ZMYND8: variants seen among roughly 807,000 people sequenced by gnomAD.
ZMYND8 encodes zinc finger MYND-type containing 8.
Under a neutral mutation model 140.8 loss-of-function variants are expected in ZMYND8, and 37 were observed. The observed-to-expected ratio is 0.26, with a 90% CI of 0.20 to 0.35. The LOEUF is 0.35. Among genes scored for constraint, ZMYND8 ranks in the 10% least tolerant of loss-of-function variants. ZMYND8 has a pLI of 1.00. For missense variants in ZMYND8, 1,068 were observed against 1,570.0 expected (o/e 0.68, Z 5.40); for synonymous variants, 592 against 597.1 (o/e 0.99, Z 0.12).
At chr20:47,255,012 C>T (rs756555853) in intron 12 of ZMYND8, among the ~76,000 whole-genome samples, 23 of 152,090 alleles carry the variant, frequency 1.5e-4, no homozygotes, top group African/African-American at 5.3e-4. Flanking sequence ...GACGTAGTGG[C>T]GCGCGCCTGT....
chr20:47,211,148 A>G (rs914177785), intron 22 of ZMYND8, among the ~76,000 whole-genome samples: 6 of 152,182 alleles, frequency 3.9e-5, no homozygotes, highest in Non-Finnish European at 8.8e-5. Flanking sequence ...GAGAATAAAG[A>G]TTTGTAGAAA....
chr20:47,262,146 C>A, intron 12 of ZMYND8, 142 bp downstream of exon 12: 2 of 1,164,140 alleles, frequency 1.7e-6, no homozygotes, highest in Non-Finnish European at 2.5e-6. Context: ...GATCTTTTCT[C>A]ACCTTCATCC....
intron 3 of ZMYND8, among the ~76,000 whole-genome samples, chr20:47,304,582 G>A (rs1006225340): frequency 1.3e-5 from 2 of 152,236 alleles, no homozygotes; most frequent in African/African-American, 2.4e-5. Flanking sequence ...ATGTGTGGAC[G>A]ATGAGGACCA....
chr20:47,214,670 C>T (rs935054238), intron 21 of ZMYND8, among the ~76,000 whole-genome samples: 2 of 152,006 alleles, frequency 1.3e-5, no homozygotes, highest in Non-Finnish European at 2.9e-5. Flanking sequence ...ATTTTTTGTA[C>T]TTTTAGTAGA....
At position 47,210,586 on chromosome 20, in the gene ZMYND8, C is replaced by T. The variant is rs545022340; in HGVS notation, c.*175G>A. 324 of 887,940 alleles carry T rather than the reference C, an allele frequency of 3.6e-4. No homozygotes were observed. Among genetic ancestry groups the T allele is most frequent in the Middle Eastern group, 2.6e-3 (9 of 3,480 alleles). The allele number at this position is 887,940 out of a possible 1,614,324, so 55.0% of individuals were successfully genotyped here. A position where few individuals can be genotyped will look rare whatever the true frequency, so the allele number is the denominator to read the frequency against. On this transcript the variant is annotated 3_prime_UTR_variant, in exon 23 of 23. Transcript: ENST00000471951. Reference sequence around the variant, plus strand: ...TGGGTGAACAGTCTGCAGTCAAAGCCGATGCTGGGTGTCCTGTAGTGTAGC... The same window carrying T: ...TGGGTGAACAGTCTGCAGTCAAAGCTGATGCTGGGTGTCCTGTAGTGTAGC...
chr20:47,222,538 CG>C (rs200236794), intron 19 of ZMYND8, among the ~76,000 whole-genome samples: 1 of 142,176 alleles, frequency 7.0e-6, no homozygotes, highest in East Asian at 2.1e-4. Context: ...TCCGTCTCAA[CG>C]AAAAAAAAAA....
intron 1 of ZMYND8, chr20:47,351,629 T>C: frequency 1.2e-5 from 12 of 974,494 alleles, no homozygotes; most frequent in Non-Finnish European, 1.5e-5. Context: ...AAAACCATGC[T>C]TCCCTAAATC....
chr20:47,261,230 T>A (rs6094639), intron 12 of ZMYND8, among the ~76,000 whole-genome samples: 4,176 of 151,328 alleles, frequency 0.028, 193 homozygotes, highest in African/African-American at 0.093. Context: ...TCAAAAAAAA[T>A]AATAATAATA....
intron 1 of ZMYND8, chr20:47,349,725 G>A: frequency 8.0e-7 from 1 of 1,250,692 alleles, no homozygotes; most frequent in Non-Finnish European, 1.1e-6. Flanking sequence ...TCTCTAGCAT[G>A]AAGTATGTGA....
chr20:47,298,988 A>G lies in ZMYND8; in HGVS notation c.235-41T>C, dbSNP rs909641612. On this transcript the variant is annotated intron_variant, in intron 3 of 22. Transcript: ENST00000471951. The surrounding 1 kb of genome is among the most constrained non-coding windows in gnomAD (Gnocchi z 5.0). ...AAAGACAGGTTTGGTTTCAAAACAA[A>G]TGTGCATTCTCAAAAGGAATTTGAA... 65 of 1,584,716 alleles carry G rather than the reference A, an allele frequency of 4.1e-5. No individual in the cohort carries two copies. Among genetic ancestry groups the G allele is most frequent in the Non-Finnish European group, 5.5e-5 (63 of 1,153,908 alleles).
rs35308600 is a variant in ZMYND8, at chr20:47,277,651, T to TTTTATTTATTTA, written c.999-868_999-857dup. 1.8e-3 allele frequency among the ~76,000 whole-genome samples: 259 copies of TTTTATTTATTTA among 147,620 alleles called. 1 individual carries two copies. Among genetic ancestry groups the TTTTATTTATTTA allele is most frequent in the African/African-American group, 5.3e-3 (209 of 39,632 alleles). On this transcript the variant is annotated intron_variant, in intron 10 of 22. Transcript: ENST00000471951. ...ATTTTTTGTTTGTTTAATTAATTCA[T>TTTTATTTATTTA]TTTATTTATTTATTTATTTATTTAT... is the stretch of plus-strand genomic sequence containing the variant.
intron 11 of ZMYND8, among the ~76,000 whole-genome samples, chr20:47,265,379 T>C (rs2075443935): frequency 6.6e-6 from 1 of 152,166 alleles, no homozygotes; most frequent in Admixed American, 6.6e-5. Context: ...AAAGATGCTG[T>C]TGCACGTAGA....
At chr20:47,215,242 G>A (rs539241645) in intron 21 of ZMYND8, among the ~76,000 whole-genome samples, 2 of 152,224 alleles carry the variant, frequency 1.3e-5, no homozygotes, top group South Asian at 2.1e-4. Flanking sequence ...GCGTGGTGGT[G>A]TATTCCTGTA....
intron 16 of ZMYND8, among the ~76,000 whole-genome samples, 155 bp from the exon 17 acceptor site, chr20:47,229,961 G>A (rs1568926220): frequency 6.6e-6 from 1 of 152,178 alleles, no homozygotes; most frequent in Non-Finnish European, 1.5e-5. Flanking sequence ...TGCCATGACA[G>A]GTGCAGGAGC....
intron 16 of ZMYND8, among the ~76,000 whole-genome samples, chr20:47,230,465 T>C (rs2038317889): frequency 6.6e-6 from 1 of 151,920 alleles, no homozygotes; most frequent in Admixed American, 6.6e-5. Context: ...TAATTTTTTT[T>C]CTATTTTTAG....
intron 2 of ZMYND8, among the ~76,000 whole-genome samples, 196 bp downstream of exon 2, chr20:47,347,660 A>T (rs2082440996): frequency 6.6e-6 from 1 of 152,220 alleles, no homozygotes; most frequent in African/African-American, 2.4e-5. Context: ...CTACACAGGC[A>T]CCAGGGAAAG....
chr20:47,215,247 C>T (rs551113001), intron 21 of ZMYND8, among the ~76,000 whole-genome samples: 2 of 152,244 alleles, frequency 1.3e-5, no homozygotes, highest in South Asian at 4.1e-4. Context: ...GTGGTGTATT[C>T]CTGTAATCTC....
chr20:47,312,864 C>A (rs2079047844), intron 2 of ZMYND8, among the ~76,000 whole-genome samples: 1 of 152,112 alleles, frequency 6.6e-6, no homozygotes, highest in Admixed American at 6.6e-5. Context: ...TCCCCTCCCT[C>A]CCACATGGGT....
intron 2 of ZMYND8, among the ~76,000 whole-genome samples, chr20:47,312,644 G>C (rs1240854001): frequency 6.6e-6 from 1 of 152,144 alleles, no homozygotes; most frequent in East Asian, 1.9e-4. Flanking sequence ...ACAAAAATTA[G>C]CTAGGCATGG....
Sources: gnomAD v4.1 joint callset for allele counts (sites outside exome capture counted in the v4.1 genomes callset) on GRCh38, gnomAD v4.1.1 for gene constraint, Gnocchi (gnomAD v3.1) non-coding constraint, MANE v1.5 for transcripts, NCBI Gene and HGNC (gene_info 2026-07-23, HGNC 2026-07-21) for gene names.